Variants in VWA3A observed in about 807,000 individuals in gnomAD.
The protein encoded by VWA3A is von Willebrand factor A domain containing 3A.
Under a neutral mutation model 160.4 loss-of-function variants are expected in VWA3A, and 134 were observed. That is an observed-to-expected ratio of 0.84 (90% CI 0.73 to 0.96). The LOEUF is 0.96. Ranked by LOEUF, VWA3A falls within the 40% of genes least tolerant of loss-of-function variation. The pLI is 0.00. For synonymous variants in VWA3A, 476 were observed against 543.4 expected (o/e 0.88, Z 1.72); for missense variants, 1,310 against 1,447.9 (o/e 0.90, Z 1.55).
At chr16:22,135,200 A>G (rs1045555952) in intron 21 of VWA3A, among the ~76,000 whole-genome samples, 1 of 150,350 alleles carries the variant, frequency 6.7e-6, no homozygotes, top group Non-Finnish European at 1.5e-5. Context: ...GCCAAGGTCA[A>G]GGCCTCATTG....
chr16:22,135,754 C>T (rs1208046243), intron 21 of VWA3A, among the ~76,000 whole-genome samples: 1 of 152,152 alleles, frequency 6.6e-6, no homozygotes, highest in Non-Finnish European at 1.5e-5. Flanking sequence ...CCTTTCATGG[C>T]TTGCTCCTTA....
intron 28 of VWA3A, 60 bp from the exon 29 acceptor site, chr16:22,149,727 T>TTCTAACCAA: frequency 6.5e-7 from 1 of 1,531,928 alleles, no homozygotes; most frequent in Middle Eastern, 1.7e-4. Flanking sequence ...GACAGGCCTG[T>TTCTAACCAA]TCTAACCAAT....
At position 22,124,530 on chromosome 16, in the gene VWA3A, CTATTATTATTATTAT is replaced by C. The variant is rs10564178; in HGVS notation, c.1532+856_1532+870del. 1.4e-3 allele frequency among the ~76,000 whole-genome samples: 194 copies of C among 141,168 alleles called. 1 individual carries two copies. The highest frequency in any genetic ancestry group is 3.7e-3 in the Middle Eastern group (1 of 272). The allele number at this position is 141,168 out of a possible 152,430, so 92.6% of individuals were successfully genotyped here. A position where few individuals can be genotyped will look rare whatever the true frequency, so the allele number is the denominator to read the frequency against. The stretch of plus-strand genomic sequence containing the variant: ...TATTATATTTTGTAATACTATACAT[CTATTATTATTATTAT>C]TATTATTATTATTATTATTATTATT... On this transcript the variant is annotated intron_variant, in intron 16 of 33. Coordinates refer to ENST00000389398, the MANE Select transcript of VWA3A (RefSeq NM_173615.5).
chr16:22,143,529 A>G (rs1268035739), intron 25 of VWA3A, among the ~76,000 whole-genome samples: 1 of 152,112 alleles, frequency 6.6e-6, no homozygotes, highest in Non-Finnish European at 1.5e-5. Context: ...GGAGACTGAG[A>G]TTATCCTAAT....
Position 22,119,147 on chromosome 16 carries a change from G to T in VWA3A, c.1116+120G>T. The T allele has an allele frequency of 8.0e-6, 9 of 1,129,278 alleles. No individual in the cohort carries two copies. In the South Asian group the frequency reaches 9.6e-5, roughly 12 times the overall value. The allele number at this position is 1,129,278 out of a possible 1,614,324, so 70.0% of individuals were successfully genotyped here. A position where few individuals can be genotyped will look rare whatever the true frequency, so the allele number is the denominator to read the frequency against. On this transcript the variant is annotated intron_variant, in intron 12 of 33. Coordinates refer to ENST00000389398, the MANE Select transcript of VWA3A (RefSeq NM_173615.5). ...CCAGTGCCTGTCACTTCCTAAAATC[G>T]AAACAAGGCAAGGCCCACCCTCCAT...
At chr16:22,155,445 C>G in intron 31 of VWA3A, 122 bp from the exon 32 acceptor site, 1 of 825,874 alleles carries the variant, frequency 1.2e-6, no homozygotes, top group Non-Finnish European at 2.0e-6. Context: ...AGCAGAGGCT[C>G]ACAAGATTTC....
At position 22,155,862 on chromosome 16, in the gene VWA3A, A is replaced by G; in HGVS notation, c.3515A>G (p.Gln1172Arg). 6.2e-7 allele frequency: 1 copy of G among 1,613,978 alleles called. No individual in the cohort carries two copies. The highest frequency in any genetic ancestry group is 8.5e-7 in the Non-Finnish European group (1 of 1,179,880). Residue 1172 changes from glutamine to arginine, a missense_variant, in exon 33 of 34, where the codon CAG (glutamine) becomes CGG (arginine). Transcript: ENST00000389398. ...CTCCTGCCCACCAGATCCCAACTCCAGAAGAAAAATGATGCAGAACCAAAG... is the reference window on the plus strand; with the variant it reads ...CTCCTGCCCACCAGATCCCAACTCCGGAAGAAAAATGATGCAGAACCAAAG... Reference protein sequence around the residue: ...WQAQSFRSQLQKKNDAEPKVT... With the variant: ...WQAQSFRSQLRKKNDAEPKVT...
rs759004976 is a variant in VWA3A at position 22,131,746 on chromosome 16, C to T, written c.1872+17C>T. ...CAGGACATGGTGGGTAGGCCACGTC[C>T]TGGGTGTCCATTATCCTTTGCGACC... On this transcript the variant is annotated intron_variant, in intron 19 of 33. Coordinates refer to ENST00000389398, the MANE Select transcript of VWA3A (RefSeq NM_173615.5). 1 of 1,608,918 alleles carries T rather than the reference C, an allele frequency of 6.2e-7. No homozygotes were observed. Among genetic ancestry groups the T allele is most frequent in the South Asian group, 1.1e-5 (1 of 90,232 alleles).
chr16:22,124,602 C>T (rs1411465037), intron 16 of VWA3A, among the ~76,000 whole-genome samples: 1 of 149,608 alleles, frequency 6.7e-6, no homozygotes, highest in East Asian at 2.0e-4. Context: ...CTATGTTGCC[C>T]AGGCTGGTCT....
At chr16:22,123,353 T>TAAA (rs889354040) in intron 15 of VWA3A, 188 bp downstream of exon 15, 5 of 1,006,228 alleles carry the variant, frequency 5.0e-6, no homozygotes, top group Non-Finnish European at 4.2e-6. Flanking sequence ...TCAATGCCTT[T>TAAA]AAAAAAAAAA....
chr16:22,136,943 G>A (rs904210106), intron 21 of VWA3A, among the ~76,000 whole-genome samples: 1 of 151,802 alleles, frequency 6.6e-6, no homozygotes, highest in Admixed American at 6.6e-5. Flanking sequence ...GTGTGGTGGT[G>A]CGCACCTGTA....
rs1567524095 is a variant in VWA3A, at chr16:22,096,875, TG to T, written c.32del (p.Cys11PhefsTer37). MKKYRKISIG[C>X]FAMATQTSHV... is the part of the protein sequence containing the mutation. The stretch of plus-strand genomic sequence containing the variant: ...CTTCTTTAGGAAAATAAGCATTGGG[TG>T]TTTTGCAATGGCTACACAAACTAGT... On this transcript the variant is annotated frameshift_variant, in exon 2 of 34. Transcript: ENST00000389398. LOFTEE classifies it high-confidence loss of function. 1 of 1,548,174 alleles carries T rather than the reference TG, an allele frequency of 6.5e-7. No individual in the cohort carries two copies. Among genetic ancestry groups the T allele is most frequent in the Admixed American group, 2.0e-5 (1 of 50,928 alleles).
rs1357237402 is a variant in VWA3A, at chr16:22,115,240, C to A, written c.690-107C>A. On this transcript the variant is annotated intron_variant, in intron 8 of 33. Coordinates refer to ENST00000389398, the MANE Select transcript of VWA3A (RefSeq NM_173615.5). The stretch of plus-strand genomic sequence containing the variant: ...ACAGTGAGCTATGATTGCACCACTG[C>A]ACTTCAGCCTGGGTAACACAGCAAG... 3.9e-6 allele frequency: 5 copies of A among 1,277,822 alleles called. No individual in the cohort carries two copies. The South Asian group carries it at 4.9e-5, about 12-fold the overall frequency. 79.2% of individuals were successfully genotyped at this position (1,277,822 alleles called of 1,614,324 possible). A position where few individuals can be genotyped will look rare whatever the true frequency, so the allele number is the denominator to read the frequency against.
At chr16:22,132,878 C>A (rs748320412) in intron 19 of VWA3A, 22 bp from the exon 20 acceptor site, 1 of 1,602,948 alleles carries the variant, frequency 6.2e-7, no homozygotes, top group Admixed American at 1.7e-5. Flanking sequence ...GCTGGCCCCT[C>A]CTACCTTCTC....
At chr16:22,141,529 G>A in intron 23 of VWA3A, 53 bp from the exon 24 acceptor site, 2 of 1,510,860 alleles carry the variant, frequency 1.3e-6, no homozygotes, top group Middle Eastern at 1.7e-4. Context: ...CTGGACAGCT[G>A]TATTGCAAGA....
intron 25 of VWA3A, among the ~76,000 whole-genome samples, chr16:22,143,749 C>CTT (rs555474217): frequency 2.4e-4 from 30 of 127,316 alleles, no homozygotes; most frequent in African/African-American, 3.4e-4. Context: ...TTCTTTCTTT[C>CTT]TTTTTTTTTT....
intron 1 of VWA3A, among the ~76,000 whole-genome samples, chr16:22,096,030 C>T (rs1417546515): frequency 6.6e-6 from 1 of 152,134 alleles, no homozygotes; most frequent in Non-Finnish European, 1.5e-5. Flanking sequence ...ATTCTGCTGT[C>T]CATGAGACAT....
chr16:22,118,781 G>A, intron 11 of VWA3A, 121 bp from the exon 12 acceptor site: 1 of 1,345,628 alleles, frequency 7.4e-7, no homozygotes, highest in East Asian at 2.3e-5. Context: ...AGTGTATAAG[G>A]CCTGGTGGAG....
chr16:22,117,354 A>G (rs1414367408), intron 11 of VWA3A, among the ~76,000 whole-genome samples, 178 bp downstream of exon 11: 5 of 152,244 alleles, frequency 3.3e-5, no homozygotes, highest in African/African-American at 1.2e-4. Flanking sequence ...ATATGTGGGA[A>G]GACCAGGGAC....
Sources: gnomAD v4.1 joint callset for allele counts (sites outside exome capture counted in the v4.1 genomes callset) on GRCh38, gnomAD v4.1.1 for gene constraint, MANE v1.5 for transcripts, NCBI Gene and HGNC (gene_info 2026-07-23, HGNC 2026-07-21) for gene names.